The following MACROD1 variants were observed in gnomAD, a reference collection of about 807,000 sequenced individuals.
MACROD1 encodes mono-ADP ribosylhydrolase 1, also known as ADP-ribose glycohydrolase MACROD1.
Under a neutral mutation model 41.4 loss-of-function variants are expected in MACROD1, and 31 were observed. The ratio of observed to expected loss-of-function variants is 0.75; its 90% CI spans 0.56 to 1.01. MACROD1 has a LOEUF of 1.01. MACROD1 is among the 50% of genes least tolerant of loss of function. MACROD1 has a pLI of 0.00. For synonymous variants in MACROD1, 252 were observed against 203.4 expected (o/e 1.24, Z -2.03); for missense variants, 473 against 460.0 (o/e 1.03, Z -0.26).
intron 3 of MACROD1, among the ~76,000 whole-genome samples, chr11:64,034,239 C>T (rs545414499): frequency 7.5e-4 from 114 of 152,290 alleles, no homozygotes; most frequent in African/African-American, 2.3e-3. Flanking sequence ...TCTGGGAAGG[C>T]GGGACGGAAA....
chr11:64,142,489 G>A (rs57877084), intron 3 of MACROD1, among the ~76,000 whole-genome samples: 163 of 152,300 alleles, frequency 1.1e-3, no homozygotes, highest in African/African-American at 3.6e-3. Context: ...GGGACGGGGC[G>A]GAAGACCTTG....
At chr11:64,078,942 G>T (rs1342194888) in intron 3 of MACROD1, among the ~76,000 whole-genome samples, 1 of 152,192 alleles carries the variant, frequency 6.6e-6, no homozygotes, top group Non-Finnish European at 1.5e-5. Flanking sequence ...TGCGGTTAAG[G>T]GTGGTGAATG....
intron 3 of MACROD1, among the ~76,000 whole-genome samples, chr11:64,111,334 C>A (rs1944858670): frequency 6.6e-6 from 1 of 152,226 alleles, no homozygotes; most frequent in Non-Finnish European, 1.5e-5. Flanking sequence ...ACGCTGGGGG[C>A]CCCCTGGCAG....
intron 3 of MACROD1, chr11:64,149,155 AG>A: frequency 2.7e-6 from 1 of 374,392 alleles, no homozygotes; most frequent in Non-Finnish European, 3.7e-6. Flanking sequence ...CCGCTGGGAC[AG>A]GGGTGATGCC....
At chr11:64,135,734 G>A (rs1945322940) in intron 3 of MACROD1, among the ~76,000 whole-genome samples, 1 of 152,148 alleles carries the variant, frequency 6.6e-6, no homozygotes, top group Non-Finnish European at 1.5e-5. Context: ...CCCGCGCCAG[G>A]TGGTAAATGG....
chr11:64,150,204 G>A (rs768590330), intron 3 of MACROD1, among the ~76,000 whole-genome samples: 8 of 152,210 alleles, frequency 5.3e-5, no homozygotes, highest in Non-Finnish European at 7.3e-5. Flanking sequence ...CCCCTCTCCG[G>A]ATCCTAGAGC....
intron 3 of MACROD1, among the ~76,000 whole-genome samples, chr11:64,058,677 G>A (rs771370030): frequency 2.1e-4 from 32 of 152,374 alleles, no homozygotes; most frequent in Non-Finnish European, 3.7e-4. Flanking sequence ...CCCGCTCCAC[G>A]CCGGCTGCAA....
chr11:64,159,849 G>A (rs959429334), intron 1 of MACROD1, among the ~76,000 whole-genome samples: 1 of 152,012 alleles, frequency 6.6e-6, no homozygotes, highest in Non-Finnish European at 1.5e-5. Flanking sequence ...GTAACCCCTG[G>A]CTAGTAAAAT....
At chr11:64,141,105 A>C (rs1188139065) in intron 3 of MACROD1, among the ~76,000 whole-genome samples, 1 of 152,246 alleles carries the variant, frequency 6.6e-6, no homozygotes, top group East Asian at 1.9e-4. Flanking sequence ...AGTGTACTCC[A>C]GCCTGGGTGG....
At chr11:64,136,715 C>T (rs1358701768) in intron 3 of MACROD1, among the ~76,000 whole-genome samples, 3 of 152,216 alleles carry the variant, frequency 2.0e-5, no homozygotes, top group Admixed American at 6.5e-5. Flanking sequence ...GCCCCAGGCC[C>T]GGAAGTCACT....
intron 3 of MACROD1, among the ~76,000 whole-genome samples, chr11:64,145,124 C>A (rs1228576243): frequency 6.6e-6 from 1 of 152,208 alleles, no homozygotes; most frequent in Non-Finnish European, 1.5e-5. Context: ...CCAGCAGATT[C>A]TCACAAATCA....
chr11:64,145,508 C>T (rs140266134), intron 3 of MACROD1, among the ~76,000 whole-genome samples: 2,106 of 152,278 alleles, frequency 0.014, 31 homozygotes, highest in South Asian at 0.09. Flanking sequence ...CTCACCCCTG[C>T]CCTTCGGTGG....
intron 3 of MACROD1, among the ~76,000 whole-genome samples, chr11:64,031,278 T>C (rs1943290045): frequency 6.6e-6 from 1 of 152,130 alleles, no homozygotes; most frequent in Non-Finnish European, 1.5e-5. Context: ...GGGACTTTCC[T>C]CCTGGGCTGG....
At chr11:64,151,178 G>T in intron 3 of MACROD1, 61 bp downstream of exon 3, 1 of 1,429,810 alleles carries the variant, frequency 7.0e-7, no homozygotes, top group South Asian at 1.2e-5. Flanking sequence ...GCCTGGCACA[G>T]CAGAGCAGAG....
rs911413127 is a variant in MACROD1 at position 64,152,955 on chromosome 11, C to T, written c.299-562G>A. ...CATCCCCCCCGGCAGCGGCTGAGGG[C>T]TCCCAGCATGACCAATGGGGTTGGA... is the stretch of plus-strand genomic sequence containing the variant. On this transcript the variant is annotated intron_variant, in intron 1 of 10. Coordinates refer to ENST00000255681, the MANE Select transcript of MACROD1 (RefSeq NM_014067.4). Among the ~76,000 whole-genome samples, 3 of 152,302 alleles carry T rather than the reference C, an allele frequency of 2.0e-5. No homozygotes were observed. In the East Asian group the frequency reaches 5.8e-4, roughly 29 times the overall value.
intron 1 of MACROD1, among the ~76,000 whole-genome samples, chr11:64,163,278 C>A (rs753782729): frequency 3.3e-5 from 5 of 152,076 alleles, no homozygotes; most frequent in African/African-American, 4.8e-5. Flanking sequence ...CCAGCCTGGA[C>A]AAAAAGAGTG....
chr11:64,074,413 G>C (rs1366112239), intron 3 of MACROD1, among the ~76,000 whole-genome samples: 1 of 152,206 alleles, frequency 6.6e-6, no homozygotes, highest in African/African-American at 2.4e-5. Flanking sequence ...AGCTCCAGGG[G>C]TGTGGTCCAC....
At chr11:64,149,690 G>A (rs1004404391) in intron 3 of MACROD1, among the ~76,000 whole-genome samples, 13 of 152,224 alleles carry the variant, frequency 8.5e-5, no homozygotes, top group Non-Finnish European at 1.6e-4. Context: ...AGAAGGTACC[G>A]CTGCAGTACC....
At chr11:64,060,609 G>A (rs2060194155) in intron 3 of MACROD1, 1 of 152,254 alleles carries the variant, frequency 6.6e-6, no homozygotes, top group South Asian at 2.1e-4. Flanking sequence ...CTGAGGATTA[G>A]AACTGGTGAA....
Sources: allele counts gnomAD v4.1 joint callset (sites outside exome capture counted in the v4.1 genomes callset), GRCh38; gene constraint gnomAD v4.1.1; transcripts MANE v1.5; gene names NCBI Gene and HGNC (gene_info 2026-07-23, HGNC 2026-07-21).